The following HTR7 variants were observed in gnomAD, a reference collection of about 807,000 sequenced individuals.
HTR7 encodes the protein 5-HT-7.
HTR7 carries 16 observed loss-of-function variants against 34.0 expected under a neutral mutation model. That is an observed-to-expected ratio of 0.47 (90% CI 0.32 to 0.71). The LOEUF (loss-of-function observed/expected upper bound fraction) is 0.71. HTR7 is among the 30% of genes least tolerant of loss of function. The probability of loss-of-function intolerance (pLI) is 0.04; values close to 1 mark genes in which losing one functional copy is unlikely to be tolerated. For synonymous variants in HTR7, 265 were observed against 260.2 expected, an observed-to-expected ratio of 1.02 and a Z score of -0.18; for missense variants, 504 against 625.5, an observed-to-expected ratio of 0.81 and a Z score of 2.07.
chr10:90,824,925 G>A (rs1397893045), intron 1 of HTR7, among the ~76,000 whole-genome samples: 1 of 152,222 alleles, frequency 6.6e-6, no homozygotes, highest in East Asian at 1.9e-4. Flanking sequence ...TCCACTCCCT[G>A]AAGGGGAAGG....
At chr10:90,816,084 T>A (rs527483845) in intron 1 of HTR7, among the ~76,000 whole-genome samples, 1 of 152,316 alleles carries the variant, frequency 6.6e-6, no homozygotes, top group South Asian at 2.1e-4. Context: ...AACGAGGAGA[T>A]ACTCATGAGC....
At chr10:90,747,303 T>G (rs963548869) in intron 2 of HTR7, among the ~76,000 whole-genome samples, 2 of 152,240 alleles carry the variant, frequency 1.3e-5, no homozygotes, top group African/African-American at 4.8e-5. Flanking sequence ...AAGACATTGT[T>G]CCTTCTCTGA....
rs1341882408 is a variant in HTR7, at chr10:90,857,489, G to A, written c.183C>T (p.Asp61=). ...AGCCGGAGGCATTGTCCGGGGGCGC[G>A]TCCCAGGTGGGCGCCGGGCTGGCTG... is the stretch of plus-strand genomic sequence containing the variant. ...EVTASPAPTW[D]APPDNASGCG... The change falls in exon 1 of 4, where the codon GAC becomes GAT. Residue 61 remains aspartate, a synonymous_variant. Coordinates refer to ENST00000336152, the MANE Select transcript of HTR7 (RefSeq NM_019859.4). This position sits in a 1 kb window ranked among gnomAD's most constrained non-coding sequence, Gnocchi z 6.5. 1.2e-6 allele frequency: 2 copies of A among 1,613,316 alleles called. No individual in the cohort carries two copies. The highest frequency in any genetic ancestry group is 1.1e-5 in the South Asian group (1 of 91,072).
At chr10:90,825,741 G>A (rs1846062043) in intron 1 of HTR7, among the ~76,000 whole-genome samples, 1 of 152,154 alleles carries the variant, frequency 6.6e-6, no homozygotes, top group Non-Finnish European at 1.5e-5. Context: ...TCTCTTAATA[G>A]CAGAACTGAC....
At chr10:90,798,916 C>T (rs901617042) in intron 1 of HTR7, among the ~76,000 whole-genome samples, 4 of 152,110 alleles carry the variant, frequency 2.6e-5, no homozygotes, top group Admixed American at 1.3e-4. Flanking sequence ...AGAACTAGAC[C>T]GCCTTTGTAG....
rs1846590878 is a variant in HTR7, at chr10:90,857,003, G to A, written c.539+130C>T. ...TGGTGTAGGGTGGATTGGGGGGAGC[G>A]GTGTTTTAAGCGCAGCCCTTCATCC... On this transcript the variant is annotated intron_variant, in intron 1 of 3. Transcript: ENST00000336152. This position sits in a 1 kb window ranked among gnomAD's most constrained non-coding sequence, Gnocchi z 6.5. 4 of 795,458 alleles carry A rather than the reference G, an allele frequency of 5.0e-6. No individual in the cohort carries two copies. The Admixed American group carries it at 8.9e-5, about 18-fold the overall frequency. 49.3% of individuals were successfully genotyped at this position (795,458 alleles called of 1,614,324 possible). A position where few individuals can be genotyped will look rare whatever the true frequency, so the allele number is the denominator to read the frequency against.
At chr10:90,754,876 G>A (rs985610378) in intron 1 of HTR7, among the ~76,000 whole-genome samples, 3 of 152,198 alleles carry the variant, frequency 2.0e-5, no homozygotes, top group African/African-American at 4.8e-5. Context: ...CTTAAAAAGC[G>A]TTCACACACT....
chr10:90,832,709 T>A (rs551675424), intron 1 of HTR7, among the ~76,000 whole-genome samples: 1 of 151,318 alleles, frequency 6.6e-6, no homozygotes, highest in African/African-American at 2.4e-5. Context: ...GAGCGAGGGC[T>A]GTGAGAGCTG....
At chr10:90,839,965 T>G (rs1441558039) in intron 1 of HTR7, among the ~76,000 whole-genome samples, 4 of 151,942 alleles carry the variant, frequency 2.6e-5, no homozygotes, top group Non-Finnish European at 5.9e-5. Context: ...TACCCTCAAC[T>G]AGATAACATG....
chr10:90,766,147 G>A (rs1845019035), intron 1 of HTR7, among the ~76,000 whole-genome samples: 1 of 152,086 alleles, frequency 6.6e-6, no homozygotes, highest in Non-Finnish European at 1.5e-5. Flanking sequence ...TTGTATTGCT[G>A]TTTATTTCTC....
rs529146228 is a variant in HTR7 at position 90,832,675 on chromosome 10, C to T, written c.539+24458G>A. Among the ~76,000 whole-genome samples the T allele has an allele frequency of 2.1e-3, 316 of 152,288 alleles. 1 individual carries two copies. Among genetic ancestry groups the T allele is most frequent in the Non-Finnish European group, 3.7e-3 (251 of 68,018 alleles). ...CCTCAAGCATGGCCAGAATGGGCAC[C>T]GAGGCCAAGGAGGCACCGAGAGTGA... On this transcript the variant is annotated intron_variant, in intron 1 of 3. Transcript: ENST00000336152.
chr10:90,777,895 T>C (rs1005888227), intron 1 of HTR7, among the ~76,000 whole-genome samples: 1 of 152,184 alleles, frequency 6.6e-6, no homozygotes, highest in African/African-American at 2.4e-5. Flanking sequence ...GATGTAACAA[T>C]GCCACTTCCT....
At chr10:90,783,230 C>T (rs1265474227) in intron 1 of HTR7, among the ~76,000 whole-genome samples, 2 of 152,086 alleles carry the variant, frequency 1.3e-5, no homozygotes, top group Admixed American at 6.5e-5. Flanking sequence ...CCCATGAGTG[C>T]CTGCTATAAT....
chr10:90,814,259 T>G (rs1845863414), intron 1 of HTR7, among the ~76,000 whole-genome samples: 1 of 152,198 alleles, frequency 6.6e-6, no homozygotes. Context: ...GTGCTTCATC[T>G]ACAAGCCATG....
intron 1 of HTR7, among the ~76,000 whole-genome samples, chr10:90,791,509 CAAA>C (rs1845459138): frequency 6.6e-6 from 1 of 151,860 alleles, no homozygotes; most frequent in South Asian, 2.1e-4. Context: ...TGAAAATGTT[CAAA>C]AAAGATGAGT....
At chr10:90,785,615 C>T (rs1024874681) in intron 1 of HTR7, among the ~76,000 whole-genome samples, 3 of 152,160 alleles carry the variant, frequency 2.0e-5, no homozygotes, top group Admixed American at 2.0e-4. Flanking sequence ...CTTCTGCATT[C>T]CCCCACCAAT....
At chr10:90,834,686 A>C (rs544790085) in intron 1 of HTR7, among the ~76,000 whole-genome samples, 1 of 152,152 alleles carries the variant, frequency 6.6e-6, no homozygotes, top group Non-Finnish European at 1.5e-5. Context: ...TCATTGTCCA[A>C]TGAGGGCTTC....
At chr10:90,835,178 T>G (rs543154799) in intron 1 of HTR7, among the ~76,000 whole-genome samples, 1 of 152,232 alleles carries the variant, frequency 6.6e-6, no homozygotes, top group Non-Finnish European at 1.5e-5. Flanking sequence ...ATCATACTAT[T>G]TCCAGTGTCT....
intron 1 of HTR7, among the ~76,000 whole-genome samples, chr10:90,841,700 G>A (rs1846331929): frequency 3.9e-5 from 6 of 152,146 alleles, no homozygotes; most frequent in Admixed American, 3.9e-4. Context: ...GCCCCCTTGA[G>A]CCTTGGAAGA....
Sources: gnomAD v4.1 joint callset for allele counts (sites outside exome capture counted in the v4.1 genomes callset) on GRCh38, gnomAD v4.1.1 for gene constraint, Gnocchi (gnomAD v3.1) non-coding constraint, MANE v1.5 for transcripts, NCBI Gene and HGNC (gene_info 2026-07-23, HGNC 2026-07-21) for gene names.